The following CORO2B variants were observed in gnomAD, a reference collection of about 807,000 sequenced individuals.
CORO2B encodes the protein coronin 2B.
CORO2B carries 26 observed loss-of-function variants against 58.8 expected under a neutral mutation model. The ratio of observed to expected loss-of-function variants is 0.44; its 90% CI spans 0.32 to 0.61. The LOEUF is 0.61. Among genes scored for constraint, CORO2B ranks in the 20% least tolerant of loss-of-function variants. The probability of loss-of-function intolerance (pLI) is 0.04; values close to 1 mark genes in which losing one functional copy is unlikely to be tolerated. For missense variants in CORO2B, 460 were observed against 645.1 expected (o/e 0.71, Z 3.11); for synonymous variants, 242 against 253.8 (o/e 0.95, Z 0.44).
intron 2 of CORO2B, among the ~76,000 whole-genome samples, chr15:68,676,526 T>G (rs1449950700): frequency 6.6e-6 from 1 of 152,206 alleles, no homozygotes; most frequent in East Asian, 1.9e-4. Flanking sequence ...ACTGTCCCTG[T>G]TCCCCTGTGA....
intron 2 of CORO2B, among the ~76,000 whole-genome samples, chr15:68,685,115 C>T (rs748539635): frequency 1.3e-5 from 2 of 152,224 alleles, no homozygotes; most frequent in Non-Finnish European, 1.5e-5. Flanking sequence ...GCCCTCGGTA[C>T]TCCTTTACAT....
At position 68,583,513 on chromosome 15, in the gene CORO2B, C is replaced by T. The variant is rs188011234; in HGVS notation, c.15+4236C>T. The stretch of plus-strand genomic sequence containing the variant: ...CCCCACTCCACTTACCCCACTGCAT[C>T]GCCCCTTCCTGTCCTGCTGGTGCCT... On this transcript the variant is annotated intron_variant, in intron 1 of 11. Transcript: ENST00000261861. 3.9e-5 allele frequency among the ~76,000 whole-genome samples: 6 copies of T among 152,306 alleles called. No individual in the cohort carries two copies. The South Asian group carries it at 6.2e-4, about 16-fold the overall frequency.
the CORO2B span, among the ~76,000 whole-genome samples, chr15:68,560,064 G>A: frequency 6.6e-6 from 1 of 152,206 alleles, no homozygotes; most frequent in Non-Finnish European, 1.5e-5. Context: ...CTGCCGATTT[G>A]AAGAGTCCCG....
At chr15:68,719,306 C>T (rs944790317) in intron 10 of CORO2B, 72 bp downstream of exon 10, 57 of 1,597,222 alleles carry the variant, frequency 3.6e-5, no homozygotes, top group Admixed American at 1.3e-4. Flanking sequence ...CACCCCAGTT[C>T]TCCTTGTCTG....
chr15:68,527,711 T>A, the CORO2B span, among the ~76,000 whole-genome samples: 3 of 152,188 alleles, frequency 2.0e-5, no homozygotes, highest in East Asian at 5.8e-4. Context: ...CCTCGGAAAT[T>A]TTATCAGTCA....
At chr15:68,536,052 CATT>C in the CORO2B span, among the ~76,000 whole-genome samples, 1 of 152,160 alleles carries the variant, frequency 6.6e-6, no homozygotes, top group Non-Finnish European at 1.5e-5. Flanking sequence ...TTTATTAAAA[CATT>C]ATGTGATTCT....
intron 1 of CORO2B, among the ~76,000 whole-genome samples, chr15:68,629,613 G>C (rs190980066): frequency 6.6e-6 from 1 of 152,176 alleles, no homozygotes; most frequent in African/African-American, 2.4e-5. Context: ...GCAGGGAAAG[G>C]CTATGCACTG....
chr15:68,713,608 C>T (rs1425912177), intron 5 of CORO2B, among the ~76,000 whole-genome samples: 1 of 152,188 alleles, frequency 6.6e-6, no homozygotes, highest in African/African-American at 2.4e-5. Context: ...TTGCCGGCTC[C>T]CGTGGCTGGT....
At chr15:68,566,193 A>T in the CORO2B span, among the ~76,000 whole-genome samples, 1 of 152,236 alleles carries the variant, frequency 6.6e-6, no homozygotes, top group East Asian at 1.9e-4. Flanking sequence ...TCCTGTTAGA[A>T]ACCCTGTTTT....
In CORO2B at chr15:68,711,832, T is replaced by A. The variant is rs868701695; in HGVS notation, c.648+126T>A. The A allele has an allele frequency of 6.3e-6, 7 of 1,107,726 alleles. No individual in the cohort carries two copies. In the South Asian group the frequency reaches 9.9e-5, roughly 16 times the overall value. 68.6% of individuals were successfully genotyped at this position (1,107,726 alleles called of 1,614,324 possible). On this transcript the variant is annotated intron_variant, in intron 5 of 11. Transcript: ENST00000261861. The stretch of plus-strand genomic sequence containing the variant: ...CCAGTGCATCTCACTGCACCTCTGT[T>A]GAACAACCTTTCTCTCTCCTGGGCC...
At chr15:68,663,063 A>T (rs1436525770) in intron 2 of CORO2B, among the ~76,000 whole-genome samples, 1 of 152,212 alleles carries the variant, frequency 6.6e-6, no homozygotes, top group Non-Finnish European at 1.5e-5. Flanking sequence ...TATTGAAAAA[A>T]AATCTGTGGA....
At position 68,726,517 on chromosome 15, in the gene CORO2B, C is replaced by G. The variant is rs569933775; in HGVS notation, c.*543C>G. 6.2e-6 allele frequency: 1 copy of G among 162,232 alleles called. No homozygotes were observed. Among genetic ancestry groups the G allele is most frequent in the Admixed American group, 6.5e-5 (1 of 15,494 alleles). The allele number at this position is 162,232 out of a possible 1,614,324, so 10.0% of individuals were successfully genotyped here. ...CACCCGACGAGGACAGCGAGCGGCC[C>G]GGCTCCTTTCTGTCTCTTCCCTTCC... On this transcript the variant is annotated 3_prime_UTR_variant, in exon 12 of 12. Coordinates refer to ENST00000261861, the MANE Select transcript of CORO2B (RefSeq NM_006091.5).
chr15:68,585,791 G>A (rs970522119), intron 1 of CORO2B, among the ~76,000 whole-genome samples: 1 of 152,232 alleles, frequency 6.6e-6, no homozygotes, highest in Admixed American at 6.5e-5. Context: ...ACTGGAGCTA[G>A]GAGTCATGTA....
At chr15:68,723,925 G>A (rs746420082) in intron 11 of CORO2B, among the ~76,000 whole-genome samples, 55 of 152,134 alleles carry the variant, frequency 3.6e-4, no homozygotes, top group Non-Finnish European at 6.9e-4. Flanking sequence ...ATAAAAGTAG[G>A]CCGGGGTGGT....
intron 1 of CORO2B, among the ~76,000 whole-genome samples, chr15:68,586,067 C>G (rs1321930681): frequency 1.3e-5 from 2 of 152,188 alleles, no homozygotes; most frequent in African/African-American, 4.8e-5. Context: ...GCTTTGAAGT[C>G]AAACACATGG....
At chr15:68,597,938 C>T (rs1359842049) in intron 1 of CORO2B, among the ~76,000 whole-genome samples, 4 of 152,112 alleles carry the variant, frequency 2.6e-5, no homozygotes, top group South Asian at 2.1e-4. Flanking sequence ...TGCAGGGTGA[C>T]GTTTTGGAAG....
chr15:68,711,179 G>A (rs1394872948), intron 4 of CORO2B, among the ~76,000 whole-genome samples: 1 of 152,054 alleles, frequency 6.6e-6, no homozygotes. Context: ...CCAAGAGGTG[G>A]CAAAAGGGGT....
intron 2 of CORO2B, among the ~76,000 whole-genome samples, chr15:68,658,412 A>C (rs930432): frequency 1.3e-5 from 2 of 152,262 alleles, no homozygotes; most frequent in Admixed American, 6.5e-5. Context: ...TCGGCCAGTG[A>C]GGGGCCAGTG....
chr15:68,581,931 C>G (rs998186778), intron 1 of CORO2B, among the ~76,000 whole-genome samples: 1 of 152,138 alleles, frequency 6.6e-6, no homozygotes, highest in African/African-American at 2.4e-5. Flanking sequence ...GTCCTTGTAT[C>G]AGGTCCCCTC....
Sources: gnomAD v4.1 joint callset for allele counts (sites outside exome capture counted in the v4.1 genomes callset) on GRCh38, gnomAD v4.1.1 for gene constraint, MANE v1.5 for transcripts, NCBI Gene and HGNC (gene_info 2026-07-23, HGNC 2026-07-21) for gene names.